SIAH3: variants seen among roughly 807,000 people sequenced by gnomAD.
SIAH3 encodes the protein seven in absentia homolog 3.
SIAH3 carries 9 observed loss-of-function variants against 12.6 expected under a neutral mutation model. The ratio of observed to expected loss-of-function variants is 0.72; its 90% CI spans 0.43 to 1.25. The LOEUF (loss-of-function observed/expected upper bound fraction) is 1.25. Ranked by LOEUF, SIAH3 falls within the 50% of genes most tolerant of loss-of-function variation. SIAH3 has a pLI of 0.00. For synonymous variants in SIAH3, 154 were observed against 151.1 expected, an observed-to-expected ratio of 1.02 and a Z score of -0.14; for missense variants, 390 against 365.4, an observed-to-expected ratio of 1.07 and a Z score of -0.55.
chr13:45,799,456 C>T (rs150274923), intron 1 of SIAH3, among the ~76,000 whole-genome samples: 377 of 152,302 alleles, frequency 2.5e-3, no homozygotes, highest in Non-Finnish European at 3.1e-3. Context: ...GCTTGAAATA[C>T]GGAATGGTCC....
At chr13:45,843,196 A>T (rs1315645194) in intron 1 of SIAH3, among the ~76,000 whole-genome samples, 1 of 151,994 alleles carries the variant, frequency 6.6e-6, no homozygotes, top group Non-Finnish European at 1.5e-5. Context: ...TAGACTGAGC[A>T]TCATCCCCCT....
rs1351318768 is a variant in SIAH3 at position 45,783,282 on chromosome 13, AAAG to A, written c.*98_*100del. On this transcript the variant is annotated 3_prime_UTR_variant, in exon 2 of 2. Coordinates refer to ENST00000400405, the MANE Select transcript of SIAH3 (RefSeq NM_198849.3). ...AATAATTAAAAATTAAAAAAAAAAA[AAAG>A]AAAGGAGAAGAATAAAAAGGAGTCT... 1.5e-5 allele frequency: 12 copies of A among 813,970 alleles called. No individual in the cohort carries two copies. The highest frequency in any genetic ancestry group is 4.2e-5 in the South Asian group (1 of 23,588). 50.4% of individuals were successfully genotyped at this position (813,970 alleles called of 1,614,324 possible). A position where few individuals can be genotyped will look rare whatever the true frequency, so the allele number is the denominator to read the frequency against.
intron 1 of SIAH3, among the ~76,000 whole-genome samples, chr13:45,798,061 G>A (rs981568198): frequency 6.6e-6 from 1 of 152,184 alleles, no homozygotes; most frequent in African/African-American, 2.4e-5. Flanking sequence ...AAATTCTTAA[G>A]CAGAAAATGG....
intron 1 of SIAH3, among the ~76,000 whole-genome samples, chr13:45,785,726 A>G (rs779118594): frequency 3.3e-5 from 5 of 152,122 alleles, no homozygotes; most frequent in Non-Finnish European, 5.9e-5. Context: ...TTCTTCCCCC[A>G]GAAGTGTGAT....
intron 1 of SIAH3, among the ~76,000 whole-genome samples, chr13:45,807,075 T>C (rs1950600691): frequency 6.6e-6 from 1 of 152,156 alleles, no homozygotes; most frequent in South Asian, 2.1e-4. Context: ...GAAGTAGCTG[T>C]TCATATTAAA....
chr13:45,801,505 C>A (rs1222852873), intron 1 of SIAH3, among the ~76,000 whole-genome samples: 1 of 152,158 alleles, frequency 6.6e-6, no homozygotes, highest in Non-Finnish European at 1.5e-5. Flanking sequence ...TTTCACAACA[C>A]TTGATTGGTT....
At position 45,779,696 on chromosome 13, in the gene SIAH3, A is replaced by G. The variant is rs1950496641; in HGVS notation, c.*3687T>C. The G allele has an allele frequency of 6.6e-6, 1 of 152,234 alleles. No individual in the cohort carries two copies. Among genetic ancestry groups the G allele is most frequent in the South Asian group, 2.1e-4 (1 of 4,826 alleles). The allele number at this position is 152,234 out of a possible 1,614,324, so 9.4% of individuals were successfully genotyped here. The stretch of plus-strand genomic sequence containing the variant: ...TTGCTAAGGTTGTTATGGGGATTAC[A>G]TGATCTACTATATTCAAAGTACGCA... On this transcript the variant is annotated 3_prime_UTR_variant, in exon 2 of 2. Coordinates refer to ENST00000400405, the MANE Select transcript of SIAH3 (RefSeq NM_198849.3).
At chr13:45,792,015 C>G (rs1437267618) in intron 1 of SIAH3, among the ~76,000 whole-genome samples, 1 of 152,186 alleles carries the variant, frequency 6.6e-6, no homozygotes, top group African/African-American at 2.4e-5. Context: ...AGATGAGGAG[C>G]TAAAGGGTTG....
chr13:45,782,026 A>G lies in SIAH3; in HGVS notation c.*1357T>C, dbSNP rs1167577074. The G allele has an allele frequency of 6.6e-6, 1 of 152,248 alleles. No individual in the cohort carries two copies. The highest frequency in any genetic ancestry group is 1.5e-5 in the Non-Finnish European group (1 of 68,102). 9.4% of individuals were successfully genotyped at this position (152,248 alleles called of 1,614,324 possible). ...CAGAGGGGGGGGACAAATGCGATAA[A>G]AAGGAGCTAGAAGAGGTCCTACTGG... is the stretch of plus-strand genomic sequence containing the variant. On this transcript the variant is annotated 3_prime_UTR_variant, in exon 2 of 2. Transcript: ENST00000400405.
intron 1 of SIAH3, among the ~76,000 whole-genome samples, chr13:45,826,460 A>AGTGGGTGTGTGGGTGC (rs1162256365): frequency 1.3e-4 from 1 of 7,498 alleles, no homozygotes; most frequent in Non-Finnish European, 3.1e-4. Context: ...TGGATGGATG[A>AGTGGGTGTGTGGGTGC]ATGGATGGAT....
intron 1 of SIAH3, among the ~76,000 whole-genome samples, chr13:45,812,486 C>G (rs1950619466): frequency 6.6e-6 from 1 of 152,128 alleles, no homozygotes; most frequent in Non-Finnish European, 1.5e-5. Context: ...CCTAAGGACT[C>G]AAGGAACATT....
chr13:45,798,076 T>C (rs942262700), intron 1 of SIAH3, among the ~76,000 whole-genome samples: 3 of 152,176 alleles, frequency 2.0e-5, no homozygotes, highest in Non-Finnish European at 2.9e-5. Flanking sequence ...AAATGGGAAG[T>C]TTATCTTCTT....
intron 1 of SIAH3, among the ~76,000 whole-genome samples, chr13:45,792,471 C>T (rs1950549045): frequency 6.6e-6 from 1 of 151,746 alleles, no homozygotes; most frequent in Non-Finnish European, 1.5e-5. Context: ...AATTCTCCTG[C>T]CTCAGCCTCC....
At chr13:45,822,520 A>AATAT (rs36106322) in intron 1 of SIAH3, among the ~76,000 whole-genome samples, 6,044 of 85,146 alleles carry the variant, frequency 0.071, 351 homozygotes, top group South Asian at 0.11. Flanking sequence ...TTCATTATCA[A>AATAT]ATATATATAT....
chr13:45,787,523 T>C (rs1462569439), intron 1 of SIAH3, among the ~76,000 whole-genome samples: 1 of 151,994 alleles, frequency 6.6e-6, no homozygotes, highest in East Asian at 1.9e-4. Flanking sequence ...GAGGTGACAT[T>C]TAAACTAATT....
At chr13:45,807,494 T>C (rs146275535) in intron 1 of SIAH3, among the ~76,000 whole-genome samples, 4 of 152,338 alleles carry the variant, frequency 2.6e-5, no homozygotes, top group African/African-American at 9.6e-5. Flanking sequence ...CTTATAGTTC[T>C]ATTTATTAGA....
chr13:45,835,795 T>C (rs1320632655), intron 1 of SIAH3, among the ~76,000 whole-genome samples: 1 of 152,156 alleles, frequency 6.6e-6, no homozygotes, highest in Non-Finnish European at 1.5e-5. Context: ...TGGGACCAAG[T>C]CTCACTGCTC....
chr13:45,836,953 A>G (rs1183383787), intron 1 of SIAH3, among the ~76,000 whole-genome samples: 1 of 152,142 alleles, frequency 6.6e-6, no homozygotes, highest in African/African-American at 2.4e-5. Flanking sequence ...GTAAAAGAGA[A>G]TTGCATTTGT....
intron 1 of SIAH3, among the ~76,000 whole-genome samples, chr13:45,803,480 T>C (rs886178381): frequency 2.6e-5 from 4 of 152,032 alleles, no homozygotes; most frequent in East Asian, 1.9e-4. Flanking sequence ...GGAAAGACAA[T>C]GAGAAAACTC....
Sources: allele counts gnomAD v4.1 joint callset (sites outside exome capture counted in the v4.1 genomes callset), GRCh38; gene constraint gnomAD v4.1.1; transcripts MANE v1.5; gene names NCBI Gene and HGNC (gene_info 2026-07-23, HGNC 2026-07-21).